Variants in GBE1 observed in about 807,000 individuals in gnomAD.
GBE1 encodes 1,4-alpha-glucan branching enzyme 1.
In GBE1, 70 loss-of-function variants were observed where a neutral mutation model predicts 88.8. The ratio of observed to expected loss-of-function variants is 0.79; its 90% CI spans 0.65 to 0.96. GBE1 has a LOEUF of 0.96. Ranked by LOEUF, GBE1 falls within the 40% of genes least tolerant of loss-of-function variation. The probability of loss-of-function intolerance (pLI) is 0.00; values close to 1 mark genes in which losing one functional copy is unlikely to be tolerated. For missense variants in GBE1, 872 were observed against 871.0 expected, an observed-to-expected ratio of 1.00 and a Z score of -0.01; for synonymous variants, 284 against 300.1, an observed-to-expected ratio of 0.95 and a Z score of 0.56.
chr3:81,666,016 A>AAGC (rs1705109812), intron 3 of GBE1, among the ~76,000 whole-genome samples: 1 of 150,204 alleles, frequency 6.7e-6, no homozygotes, highest in Non-Finnish European at 1.5e-5. Flanking sequence ...AATAAATGCT[A>AAGC]ATTTATACCT....
intron 7 of GBE1, among the ~76,000 whole-genome samples, chr3:81,635,791 T>C (rs895920226): frequency 3.3e-5 from 5 of 152,134 alleles, no homozygotes; most frequent in African/African-American, 9.7e-5. Flanking sequence ...ACCATTGTTT[T>C]AAGCGAAAGA....
chr3:81,527,532 C>G (rs1456857950), intron 14 of GBE1, among the ~76,000 whole-genome samples: 2 of 152,090 alleles, frequency 1.3e-5, no homozygotes, highest in Non-Finnish European at 2.9e-5. Flanking sequence ...AAGACAAAAA[C>G]AACCCCATCA....
At chr3:81,520,167 C>T (rs1182199606) in intron 14 of GBE1, among the ~76,000 whole-genome samples, 1 of 151,406 alleles carries the variant, frequency 6.6e-6, no homozygotes, top group African/African-American at 2.4e-5. Flanking sequence ...TCACAAGTTG[C>T]TTTGTGCACT....
chr3:81,644,634 G>A (rs1704739942), intron 6 of GBE1, among the ~76,000 whole-genome samples: 1 of 152,166 alleles, frequency 6.6e-6, no homozygotes, highest in Non-Finnish European at 1.5e-5. Context: ...GGGCAAAAGA[G>A]CGACATGATC....
intron 14 of GBE1, among the ~76,000 whole-genome samples, chr3:81,503,552 T>C (rs761879683): frequency 6.6e-6 from 1 of 152,128 alleles, no homozygotes; most frequent in Non-Finnish European, 1.5e-5. Flanking sequence ...AATCTCTGAC[T>C]GTGGGAAAGG....
intron 15 of GBE1, among the ~76,000 whole-genome samples, chr3:81,496,554 G>C (rs1702501297): frequency 6.6e-6 from 1 of 152,190 alleles, no homozygotes; most frequent in Admixed American, 6.5e-5. Flanking sequence ...TAGTCTGCAA[G>C]TATGGGAGGT....
At chr3:81,506,342 A>G (rs542292724) in intron 14 of GBE1, among the ~76,000 whole-genome samples, 2 of 152,140 alleles carry the variant, frequency 1.3e-5, no homozygotes, top group Non-Finnish European at 2.9e-5. Flanking sequence ...GGAATGCAAA[A>G]CTACAAAGAG....
intron 14 of GBE1, chr3:81,509,384 T>C (rs1401698406): frequency 6.6e-6 from 1 of 151,022 alleles, no homozygotes; most frequent in Admixed American, 6.6e-5. Flanking sequence ...TACCTGAAAA[T>C]TAAATACCTA....
At chr3:81,573,090 T>TA (rs200791102) in intron 12 of GBE1, among the ~76,000 whole-genome samples, 3 of 150,344 alleles carry the variant, frequency 2.0e-5, no homozygotes, top group East Asian at 1.9e-4. Flanking sequence ...AATGATTATT[T>TA]AAAAAAAAAT....
chr3:81,737,856 C>T (rs1310306246), intron 1 of GBE1, among the ~76,000 whole-genome samples: 2 of 152,132 alleles, frequency 1.3e-5, no homozygotes, highest in Non-Finnish European at 2.9e-5. Flanking sequence ...CACCCACTAA[C>T]TCGTCATCTA....
At chr3:81,672,522 T>A (rs1705202507) in intron 2 of GBE1, among the ~76,000 whole-genome samples, 1 of 152,066 alleles carries the variant, frequency 6.6e-6, no homozygotes, top group South Asian at 2.1e-4. Flanking sequence ...AGCATTTATA[T>A]CAAGATCAAG....
intron 14 of GBE1, among the ~76,000 whole-genome samples, chr3:81,500,787 A>G (rs866380363): frequency 9.2e-5 from 14 of 152,224 alleles, no homozygotes; most frequent in African/African-American, 3.4e-4. Flanking sequence ...TACACGTTTG[A>G]CACTGTATTT....
At chr3:81,664,005 G>A (rs1173063868) in intron 3 of GBE1, among the ~76,000 whole-genome samples, 5 of 151,884 alleles carry the variant, frequency 3.3e-5, no homozygotes, top group Admixed American at 6.5e-5. Flanking sequence ...CATAAAAAGG[G>A]GCTGTGCATA....
At chr3:81,541,283 T>C (rs116574520) in intron 12 of GBE1, among the ~76,000 whole-genome samples, 1,517 of 151,232 alleles carry the variant, frequency 0.01, 19 homozygotes, top group African/African-American at 0.035. Flanking sequence ...GGAAAACACA[T>C]ACACACACAC....
chr3:81,735,960 C>T (rs866716268), intron 1 of GBE1, among the ~76,000 whole-genome samples: 1 of 152,146 alleles, frequency 6.6e-6, no homozygotes, highest in Non-Finnish European at 1.5e-5. Flanking sequence ...CATTTCAAAA[C>T]ACTGACTGCC....
intron 2 of GBE1, among the ~76,000 whole-genome samples, chr3:81,681,485 G>T (rs1008873922): frequency 2.0e-5 from 3 of 152,242 alleles, no homozygotes; most frequent in Admixed American, 2.0e-4. Context: ...CCATGGTGTG[G>T]GAGCATGGCA....
At chr3:81,754,677 T>C (rs1706577998) in intron 1 of GBE1, among the ~76,000 whole-genome samples, 1 of 152,026 alleles carries the variant, frequency 6.6e-6, no homozygotes, top group African/African-American at 2.4e-5. Flanking sequence ...ATACACACAT[T>C]TGCCACCAAC....
intron 14 of GBE1, among the ~76,000 whole-genome samples, chr3:81,522,492 A>G (rs1358815205): frequency 6.6e-6 from 1 of 151,374 alleles, no homozygotes; most frequent in Non-Finnish European, 1.5e-5. Context: ...ATACTTAATT[A>G]GAAGGTGCGT....
intron 1 of GBE1, 54 bp downstream of exon 1, chr3:81,761,321 C>G (rs1307465370): frequency 6.4e-7 from 1 of 1,561,702 alleles, no homozygotes; most frequent in Non-Finnish European, 8.7e-7. Flanking sequence ...CCCGAGACGG[C>G]TCCTGGGAGG....
Sources: gnomAD v4.1 joint callset for allele counts (sites outside exome capture counted in the v4.1 genomes callset) on GRCh38, gnomAD v4.1.1 for gene constraint, MANE v1.5 for transcripts, NCBI Gene and HGNC (gene_info 2026-07-23, HGNC 2026-07-21) for gene names.